The following RILPL2 variants were observed in gnomAD, a reference collection of about 807,000 sequenced individuals.
RILPL2 encodes RILP-like protein 2.
RILPL2 carries 19 observed loss-of-function variants against 22.2 expected under a neutral mutation model. The ratio of observed to expected loss-of-function variants is 0.86; its 90% CI spans 0.60 to 1.25. The LOEUF is 1.25. Ranked by LOEUF, RILPL2 falls within the 50% of genes most tolerant of loss-of-function variation. The probability of loss-of-function intolerance (pLI) is 0.00; values close to 1 mark genes in which losing one functional copy is unlikely to be tolerated. For synonymous variants in RILPL2, 123 were observed against 111.6 expected, an observed-to-expected ratio of 1.10 and a Z score of -0.64; for missense variants, 243 against 263.6, an observed-to-expected ratio of 0.92 and a Z score of 0.54.
chr12:123,412,201 G>C (rs1381166614), downstream of RILPL2: 1 of 152,240 alleles, frequency 6.6e-6, no homozygotes, highest in Non-Finnish European at 1.5e-5. Context: ...GAGTGTAGTG[G>C]TGTGATCATA....
intron 3 of RILPL2, among the ~76,000 whole-genome samples, chr12:123,419,316 C>T (rs1775968157): frequency 6.6e-6 from 1 of 152,166 alleles, no homozygotes; most frequent in South Asian, 2.1e-4. Flanking sequence ...AGCTACTGCG[C>T]CCGGCCTACT....
intron 2 of RILPL2, among the ~76,000 whole-genome samples, chr12:123,425,655 T>C (rs1053114031): frequency 1.2e-4 from 7 of 60,734 alleles, no homozygotes; most frequent in African/African-American, 4.0e-4. Flanking sequence ...TAATATCTAC[T>C]TTTTTTTTTT....
intron 2 of RILPL2, 36 bp from the exon 3 acceptor site, chr12:123,423,193 A>C (rs1240362907): frequency 1.8e-6 from 2 of 1,102,944 alleles, no homozygotes; most frequent in Non-Finnish European, 2.6e-6. Context: ...GGATTATTTT[A>C]TTACAGATCG....
At chr12:123,419,234 AGGAT>A (rs1879207691) in intron 3 of RILPL2, among the ~76,000 whole-genome samples, 1 of 151,628 alleles carries the variant, frequency 6.6e-6, no homozygotes, top group East Asian at 1.9e-4. Context: ...ATGGTCAGCC[AGGAT>A]GGTCTCCATA....
At chr12:123,435,179 C>CAA (rs554479178) in intron 1 of RILPL2, among the ~76,000 whole-genome samples, 11 of 140,534 alleles carry the variant, frequency 7.8e-5, no homozygotes, top group African/African-American at 2.8e-4. Context: ...GATTCTGACT[C>CAA]AAAAAAAAAA....
At chr12:123,419,804 T>A (rs1879224349) in intron 3 of RILPL2, among the ~76,000 whole-genome samples, 1 of 151,198 alleles carries the variant, frequency 6.6e-6, no homozygotes, top group Admixed American at 6.6e-5. Flanking sequence ...TATCTATTTA[T>A]TTTTTTTCAG....
rs1223499993 is a variant in RILPL2, at chr12:123,423,167, G to A, written c.492-10C>T. On this transcript the variant is annotated splice_polypyrimidine_tract_variant and intron_variant, in intron 2 of 3. Transcript: ENST00000280571. ...TGGTGGAATCAGGCCACTGGGAAAC[G>A]GGACAAAAAATAAATGGATTATTTT... The A allele has an allele frequency of 1.6e-5, 25 of 1,532,306 alleles. 1 individual carries two copies. The highest frequency in any genetic ancestry group is 2.3e-5 in the South Asian group (2 of 85,458). The allele number at this position is 1,532,306 out of a possible 1,614,324, so 94.9% of individuals were successfully genotyped here. A position where few individuals can be genotyped will look rare whatever the true frequency, so the allele number is the denominator to read the frequency against.
chr12:123,436,034 T>G lies in RILPL2; in HGVS notation c.339+48A>C. ...GTCTCCCTGCCAGTAGGTGCCCTCCTACGCCCCGCAGGCGCCGTGGGCCCG... is the reference window on the plus strand; with the variant it reads ...GTCTCCCTGCCAGTAGGTGCCCTCCGACGCCCCGCAGGCGCCGTGGGCCCG... On this transcript the variant is annotated intron_variant, in intron 1 of 3. Coordinates refer to ENST00000280571, the MANE Select transcript of RILPL2 (RefSeq NM_145058.3). The surrounding 1 kb of genome is among the most constrained non-coding windows in gnomAD (Gnocchi z 6.7). The G allele has an allele frequency of 6.5e-7, 1 of 1,539,926 alleles. No individual in the cohort carries two copies. The highest frequency in any genetic ancestry group is 8.8e-7 in the Non-Finnish European group (1 of 1,139,974).
chr12:123,410,439 T>C (rs1469618816), downstream of RILPL2, among the ~76,000 whole-genome samples: 8 of 152,160 alleles, frequency 5.3e-5, no homozygotes, highest in African/African-American at 1.9e-4. Flanking sequence ...CCGTGTGACA[T>C]TGGTCAAGTC....
chr12:123,428,479 G>C (rs922537098), intron 2 of RILPL2, among the ~76,000 whole-genome samples: 2 of 152,128 alleles, frequency 1.3e-5, no homozygotes, highest in Admixed American at 6.6e-5. Context: ...CCATGAACAC[G>C]GTTCCAACCT....
chr12:123,424,042 C>G (rs902214430), intron 2 of RILPL2, among the ~76,000 whole-genome samples: 1 of 152,144 alleles, frequency 6.6e-6, no homozygotes, highest in African/African-American at 2.4e-5. Flanking sequence ...AATTCTCTAA[C>G]TTAAGCCTTG....
chr12:123,420,926 T>G (rs957060855), intron 3 of RILPL2, among the ~76,000 whole-genome samples: 4 of 152,158 alleles, frequency 2.6e-5, no homozygotes, highest in Non-Finnish European at 5.9e-5. Flanking sequence ...TTGCAGGTCA[T>G]TGATCCTCTC....
intron 2 of RILPL2, among the ~76,000 whole-genome samples, chr12:123,425,676 G>C (rs901205107): frequency 6.9e-6 from 1 of 144,186 alleles, no homozygotes; most frequent in Non-Finnish European, 1.5e-5. Context: ...TTTTGAGACA[G>C]AGTCTTGCTG....
chr12:123,410,725 A>AC (rs904904658), downstream of RILPL2: 15 of 152,042 alleles, frequency 9.9e-5, no homozygotes, highest in African/African-American at 3.6e-4. Context: ...AAAAAAAAAA[A>AC]AACAACACTT....
chr12:123,410,315 C>G (rs1878934678), downstream of RILPL2, among the ~76,000 whole-genome samples: 1 of 152,162 alleles, frequency 6.6e-6, no homozygotes, highest in South Asian at 2.1e-4. Context: ...ATTACCAGCC[C>G]AGATCCCTGT....
intron 3 of RILPL2, among the ~76,000 whole-genome samples, chr12:123,422,663 A>C (rs1449167726): frequency 6.6e-6 from 1 of 152,140 alleles, no homozygotes; most frequent in Non-Finnish European, 1.5e-5. Flanking sequence ...CATTGCACCC[A>C]GCCTGGTCAA....
chr12:123,432,140 G>A (rs1179029340), intron 1 of RILPL2, among the ~76,000 whole-genome samples: 2 of 151,796 alleles, frequency 1.3e-5, no homozygotes, highest in African/African-American at 2.4e-5. Flanking sequence ...GGTGACCTGC[G>A]CCCACCTCGG....
At position 123,431,463 on chromosome 12, in the gene RILPL2, G is replaced by T. The variant is rs2139251736; in HGVS notation, c.340-804C>A. On this transcript the variant is annotated intron_variant, in intron 1 of 3. Transcript: ENST00000280571. ...GTTTTGCAAGATGAAGAGAGTTCTG[G>T]AGACGGATGGTGGTGATGGCTGCAC... is the stretch of plus-strand genomic sequence containing the variant. Among the ~76,000 whole-genome samples, 2 of 152,222 alleles carry T rather than the reference G, an allele frequency of 1.3e-5. 1 individual carries two copies. The highest frequency in any genetic ancestry group is 2.9e-5 in the Non-Finnish European group (2 of 68,022).
At position 123,430,582 on chromosome 12, in the gene RILPL2, C is replaced by G; in HGVS notation, c.417G>C (p.Arg139Ser). 6.2e-7 allele frequency: 1 copy of G among 1,613,146 alleles called. No homozygotes were observed. Among genetic ancestry groups the G allele is most frequent in the Non-Finnish European group, 8.5e-7 (1 of 1,179,370 alleles). The part of the protein sequence containing the change: ...NRPRFTLQEL[R>S]DVLQERNKLK... The stretch of plus-strand genomic sequence containing the variant: ...GTTTGTTGCGTTCCTGCAGCACATC[C>G]CTTAGCTCCTGCAGAGTGAAGCGGG... Residue 139 changes from arginine to serine, a missense_variant, in exon 2 of 4, where the codon AGG becomes AGC. Physicochemically the swap from Arg to Ser is moderately radical, Grantham distance 110. Transcript: ENST00000280571.
Sources: allele counts gnomAD v4.1 joint callset (sites outside exome capture counted in the v4.1 genomes callset), GRCh38; gene constraint gnomAD v4.1.1; non-coding constraint Gnocchi (gnomAD v3.1); transcripts MANE v1.5; gene names NCBI Gene and HGNC (gene_info 2026-07-23, HGNC 2026-07-21).